The following PTGIS variants were observed in gnomAD, a reference collection of about 807,000 sequenced individuals.
PTGIS encodes the protein prostacyclin synthase.
A neutral mutation model predicts 50.3 loss-of-function variants in PTGIS; 45 were observed. The ratio of observed to expected loss-of-function variants is 0.90; its 90% CI spans 0.70 to 1.15. The LOEUF is 1.15. PTGIS is among the 50% of genes most tolerant of loss of function. The pLI is 0.00. For synonymous variants in PTGIS, 260 were observed against 267.7 expected (o/e 0.97, Z 0.28); for missense variants, 668 against 661.3 (o/e 1.01, Z -0.11).
chr20:49,530,376 C>T lies in PTGIS; in HGVS notation c.674-6137G>A, dbSNP rs181594276. On this transcript the variant is annotated intron_variant, in intron 5 of 9. Transcript: ENST00000244043. ...CATGTCTCAGCTGTTGTGAATAATG[C>T]TGCAATGAATTGGAGGTGCAGACAT... Among the ~76,000 whole-genome samples, 3 of 152,228 alleles carry T rather than the reference C, an allele frequency of 2.0e-5. No homozygotes were observed. In the East Asian group the frequency reaches 5.8e-4, roughly 29 times the overall value.
chr20:49,553,308 A>G (rs1982555737), intron 1 of PTGIS, among the ~76,000 whole-genome samples: 1 of 152,112 alleles, frequency 6.6e-6, no homozygotes. Flanking sequence ...TTTAATGAAA[A>G]CAGTTAAATC....
chr20:49,550,963 G>A (rs1434057499), intron 1 of PTGIS, among the ~76,000 whole-genome samples: 1 of 152,156 alleles, frequency 6.6e-6, no homozygotes, highest in Non-Finnish European at 1.5e-5. Context: ...CAGCACTTTG[G>A]GAGGCCAAGG....
chr20:49,528,537 T>C (rs1568674608), intron 5 of PTGIS, among the ~76,000 whole-genome samples: 1 of 152,072 alleles, frequency 6.6e-6, no homozygotes. Flanking sequence ...GGAGAATCGC[T>C]TGAACCCAGG....
chr20:49,521,990 C>G (rs977922892), intron 6 of PTGIS, among the ~76,000 whole-genome samples: 2 of 152,076 alleles, frequency 1.3e-5, no homozygotes, highest in African/African-American at 2.4e-5. Flanking sequence ...TCCTTGTTGC[C>G]CTGTTTTTGC....
intron 1 of PTGIS, among the ~76,000 whole-genome samples, chr20:49,558,249 TGTG>T (rs942120947): frequency 3.3e-5 from 5 of 151,930 alleles, no homozygotes; most frequent in African/African-American, 1.2e-4. Context: ...ATTAGCCAGG[TGTG>T]GTGGTGTGCA....
chr20:49,557,134 T>A (rs1256271044), intron 1 of PTGIS, among the ~76,000 whole-genome samples: 1 of 152,224 alleles, frequency 6.6e-6, no homozygotes, highest in African/African-American at 2.4e-5. Flanking sequence ...TCTTATTTTC[T>A]TTGTGTGATG....
At chr20:49,565,217 G>C (rs1487915471) in intron 1 of PTGIS, among the ~76,000 whole-genome samples, 1 of 151,410 alleles carries the variant, frequency 6.6e-6, no homozygotes, top group Non-Finnish European at 1.5e-5. Flanking sequence ...TCCTGACCTC[G>C]TGATCCGCCC....
At chr20:49,543,601 G>A (rs1982285130) in intron 4 of PTGIS, among the ~76,000 whole-genome samples, 1 of 152,094 alleles carries the variant, frequency 6.6e-6, no homozygotes, top group Non-Finnish European at 1.5e-5. Context: ...CCCACCTCTG[G>A]GCCTTTGCAC....
At chr20:49,517,159 C>T (rs1477212703) in intron 6 of PTGIS, among the ~76,000 whole-genome samples, 3 of 152,246 alleles carry the variant, frequency 2.0e-5, no homozygotes, top group Non-Finnish European at 4.4e-5. Context: ...GCCTCCGGCC[C>T]TTTCTGAGAG....
Position 49,521,185 on chromosome 20 carries a change from C to T in PTGIS, c.855+2873G>A, listed in dbSNP as rs74876936. On this transcript the variant is annotated intron_variant, in intron 6 of 9. Coordinates refer to ENST00000244043, the MANE Select transcript of PTGIS (RefSeq NM_000961.4). The stretch of plus-strand genomic sequence containing the variant: ...CTGCCTCCTTTCATCTTCACAACCA[C>T]GTCTTGAAACGGGTGCTACCATCTC... Among the ~76,000 whole-genome samples the T allele has an allele frequency of 9.0e-3, 1,373 of 152,308 alleles. 22 individuals carry two copies. The highest frequency in any genetic ancestry group is 0.031 in the African/African-American group (1,308 of 41,562).
intron 8 of PTGIS, among the ~76,000 whole-genome samples, chr20:49,512,761 G>A (rs908111365): frequency 1.3e-5 from 2 of 152,146 alleles, no homozygotes; most frequent in Non-Finnish European, 2.9e-5. Context: ...GAACATGAGG[G>A]GATCTGGGTC....
rs11337451 is a variant in PTGIS at position 49,509,881 on chromosome 20, CTTTTTTT to C, written c.1358+1140_1358+1146del. On this transcript the variant is annotated intron_variant, in intron 9 of 9. Transcript: ENST00000244043. ...CCTGCAGTTTTTTCTTTCTTTCTTTCTTTTTTTTTTTTTTTTTTTTTTCTGGAGACAG... is the reference window on the plus strand; with the variant it reads ...CCTGCAGTTTTTTCTTTCTTTCTTTCTTTTTTTTTTTTTTTCTGGAGACAG... 3.5e-3 allele frequency among the ~76,000 whole-genome samples: 327 copies of C among 93,356 alleles called. 1 individual carries two copies. The East Asian group carries it at 0.037, about 11-fold the overall frequency. 61.2% of individuals were successfully genotyped at this position (93,356 alleles called of 152,430 possible).
At chr20:49,553,058 TA>T (rs1402539983) in intron 1 of PTGIS, among the ~76,000 whole-genome samples, 4 of 152,144 alleles carry the variant, frequency 2.6e-5, no homozygotes. Context: ...ATGACTTAAG[TA>T]AATCTTTAAC....
rs1356463991 is a variant in PTGIS at position 49,540,111 on chromosome 20, G to A, written c.522-390C>T. On this transcript the variant is annotated intron_variant, in intron 4 of 9. Coordinates refer to ENST00000244043, the MANE Select transcript of PTGIS (RefSeq NM_000961.4). This position sits in a 1 kb window ranked among gnomAD's most constrained non-coding sequence, Gnocchi z 4.8. The stretch of plus-strand genomic sequence containing the variant: ...GAAGGAGTCAGCCATGGGCAGAGCA[G>A]AGGGAGGGGTAGGAAGCAGAGCAAG... Among the ~76,000 whole-genome samples, 1 of 152,150 alleles carries A rather than the reference G, an allele frequency of 6.6e-6. No homozygotes were observed. The highest frequency in any genetic ancestry group is 2.4e-5 in the African/African-American group (1 of 41,422).
At chr20:49,509,808 C>T (rs1981259947) in intron 9 of PTGIS, among the ~76,000 whole-genome samples, 1 of 150,716 alleles carries the variant, frequency 6.6e-6, no homozygotes, top group Non-Finnish European at 1.5e-5. Context: ...TATTATGTCA[C>T]TGATGAGGTT....
rs1277678052 is a variant in PTGIS at position 49,538,018 on chromosome 20, C to T, written c.673+1552G>A. Among the ~76,000 whole-genome samples the T allele has an allele frequency of 2.6e-5, 4 of 152,198 alleles. No individual in the cohort carries two copies. The East Asian group carries it at 5.8e-4, about 22-fold the overall frequency. Reference sequence around the variant, plus strand: ...TCTGTAATCCCAACACTTTGGGAGACCAACGTGGGAGGATTGCTTGAGCCC... The same window carrying T: ...TCTGTAATCCCAACACTTTGGGAGATCAACGTGGGAGGATTGCTTGAGCCC... On this transcript the variant is annotated intron_variant, in intron 5 of 9. Coordinates refer to ENST00000244043, the MANE Select transcript of PTGIS (RefSeq NM_000961.4).
chr20:49,553,318 C>G (rs940558479), intron 1 of PTGIS, among the ~76,000 whole-genome samples: 2 of 151,904 alleles, frequency 1.3e-5, no homozygotes, highest in African/African-American at 4.8e-5. Context: ...ACAGTTAAAT[C>G]CTGAGTTATT....
chr20:49,522,888 G>T (rs2122853351), intron 6 of PTGIS, among the ~76,000 whole-genome samples: 1 of 151,994 alleles, frequency 6.6e-6, no homozygotes, highest in Middle Eastern at 3.4e-3. Flanking sequence ...GCTGGACGTG[G>T]TGGCATGCGC....
At chr20:49,532,229 T>C (rs1335653291) in intron 5 of PTGIS, among the ~76,000 whole-genome samples, 1 of 152,362 alleles carries the variant, frequency 6.6e-6, no homozygotes, top group African/African-American at 2.4e-5. Flanking sequence ...TTTTAGTGTG[T>C]CTAATAGAAA....
Sources: allele counts gnomAD v4.1 joint callset (sites outside exome capture counted in the v4.1 genomes callset), GRCh38; gene constraint gnomAD v4.1.1; non-coding constraint Gnocchi (gnomAD v3.1); transcripts MANE v1.5; gene names NCBI Gene and HGNC (gene_info 2026-07-23, HGNC 2026-07-21).